RMDN2: variants seen among roughly 807,000 people sequenced by gnomAD.
The protein encoded by RMDN2 is regulator of microtubule dynamics 2.
Under a neutral mutation model 52.8 loss-of-function variants are expected in RMDN2, and 61 were observed. The observed-to-expected ratio is 1.16, with a 90% CI of 0.94 to 1.43. The LOEUF is 1.43. Ranked by LOEUF, RMDN2 falls within the 40% of genes most tolerant of loss-of-function variation. RMDN2 has a pLI of 0.00. For synonymous variants in RMDN2, 180 were observed against 153.1 expected, an observed-to-expected ratio of 1.18 and a Z score of -1.30; for missense variants, 592 against 475.3, an observed-to-expected ratio of 1.25 and a Z score of -2.28.
At chr2:38,049,349 C>A (rs547496446) in intron 10 of RMDN2, among the ~76,000 whole-genome samples, 5 of 152,242 alleles carry the variant, frequency 3.3e-5, no homozygotes, top group African/African-American at 1.2e-4. Flanking sequence ...CTGGACCATC[C>A]CAGGTCAAAT....
rs754914158 is a variant in RMDN2, at chr2:38,017,543, T to C, written c.*304T>C. On this transcript the variant is annotated 3_prime_UTR_variant, in exon 11 of 11. Transcript: ENST00000354545. ...AATAAAATATTTAAATCCAATAAAATGAATTCTCATGAATATTTTATTGTT... is the reference window on the plus strand; with the variant it reads ...AATAAAATATTTAAATCCAATAAAACGAATTCTCATGAATATTTTATTGTT... The C allele has an allele frequency of 1.8e-6, 2 of 1,126,520 alleles. No homozygotes were observed. 69.8% of individuals were successfully genotyped at this position (1,126,520 alleles called of 1,614,324 possible). A position where few individuals can be genotyped will look rare whatever the true frequency, so the allele number is the denominator to read the frequency against.
chr2:37,961,334 G>A (rs369224627), intron 2 of RMDN2, among the ~76,000 whole-genome samples: 1 of 151,984 alleles, frequency 6.6e-6, no homozygotes, highest in African/African-American at 2.4e-5. Context: ...CCAATCAAAC[G>A]TAGGTTTGGT....
intron 2 of RMDN2, among the ~76,000 whole-genome samples, chr2:37,940,771 A>G (rs1178126941): frequency 1.3e-5 from 2 of 152,112 alleles, no homozygotes; most frequent in Admixed American, 6.5e-5. Context: ...TAAACTTGTT[A>G]TTCTCATTAG....
intron 4 of RMDN2, among the ~76,000 whole-genome samples, chr2:37,977,369 G>T (rs1166240864): frequency 1.3e-5 from 2 of 152,206 alleles, no homozygotes; most frequent in African/African-American, 2.4e-5. Context: ...CCTCCCAGAC[G>T]GGGTGGTGGC....
Position 38,011,007 on chromosome 2 carries a change from G to A in RMDN2, c.1180-6179G>A, listed in dbSNP as rs975072873. Among the ~76,000 whole-genome samples, 4 of 152,186 alleles carry A rather than the reference G, an allele frequency of 2.6e-5. No individual in the cohort carries two copies. The South Asian group carries it at 8.3e-4, about 32-fold the overall frequency. ...ATCCTTGTTAGATGTAAGACAGCAGGGAGTGAAGCAAGCATAATTCCTTCA... is the reference window on the plus strand; with the variant it reads ...ATCCTTGTTAGATGTAAGACAGCAGAGAGTGAAGCAAGCATAATTCCTTCA... On this transcript the variant is annotated intron_variant, in intron 10 of 10. Coordinates refer to ENST00000354545, the MANE Select transcript of RMDN2 (RefSeq NM_001170791.3).
At position 38,017,485 on chromosome 2, in the gene RMDN2, TC is replaced by T; in HGVS notation, c.*247del. 9.2e-7 allele frequency: 1 copy of T among 1,092,366 alleles called. No homozygotes were observed. Among genetic ancestry groups the T allele is most frequent in the Non-Finnish European group, 1.2e-6 (1 of 821,108 alleles). 67.7% of individuals were successfully genotyped at this position (1,092,366 alleles called of 1,614,324 possible). On this transcript the variant is annotated 3_prime_UTR_variant, in exon 11 of 11. Coordinates refer to ENST00000354545, the MANE Select transcript of RMDN2 (RefSeq NM_001170791.3). ...ACATGTATGCTTTATATTTTTCTTA[TC>T]AATAAACTGCAGCCTTAAGAATATT...
At chr2:37,962,495 G>A (rs1198487276) in intron 2 of RMDN2, among the ~76,000 whole-genome samples, 1 of 152,150 alleles carries the variant, frequency 6.6e-6, no homozygotes, top group African/African-American at 2.4e-5. Flanking sequence ...ACACTGTGTG[G>A]GGAAAACCGC....
At chr2:37,950,246 A>C (rs1215320399) in intron 2 of RMDN2, 1 of 440,570 alleles carries the variant, frequency 2.3e-6, no homozygotes, top group African/African-American at 2.0e-5. Flanking sequence ...AAAGGATTGT[A>C]CAGCTGTCAT....
intron 10 of RMDN2, among the ~76,000 whole-genome samples, chr2:38,010,994 T>G (rs1455955858): frequency 6.6e-6 from 1 of 152,214 alleles, no homozygotes; most frequent in African/African-American, 2.4e-5. Flanking sequence ...CCTTGTTAGA[T>G]GTAAGACAGC....
At position 38,039,885 on chromosome 2, in the gene RMDN2, G is replaced by C. The variant is rs1251303390; in HGVS notation, c.1714-27097G>C. On this transcript the variant is annotated intron_variant, in intron 10 of 10. Coordinates refer to the RMDN2 transcript ENST00000234195. Reference sequence around the variant, plus strand: ...GGACAGTGTCTGACAAATGCACACTGTGTGCCCTACCTGCCCCTTCCTACT... The same window carrying C: ...GGACAGTGTCTGACAAATGCACACTCTGTGCCCTACCTGCCCCTTCCTACT... Among the ~76,000 whole-genome samples, 2 of 152,174 alleles carry C rather than the reference G, an allele frequency of 1.3e-5. 1 individual carries two copies. Among genetic ancestry groups the C allele is most frequent in the Admixed American group, 1.3e-4 (2 of 15,288 alleles).
intron 10 of RMDN2, among the ~76,000 whole-genome samples, chr2:38,010,764 C>T (rs1677866973): frequency 6.6e-6 from 1 of 152,168 alleles, no homozygotes; most frequent in Non-Finnish European, 1.5e-5. Flanking sequence ...CCCGGTACCT[C>T]AGGTGGAAAT....
intron 7 of RMDN2, among the ~76,000 whole-genome samples, chr2:37,994,068 A>C (rs1224686748): frequency 6.6e-6 from 1 of 152,186 alleles, no homozygotes; most frequent in Non-Finnish European, 1.5e-5. Context: ...AGGCTTTGTC[A>C]AACTTTCACA....
intron 2 of RMDN2, among the ~76,000 whole-genome samples, chr2:37,962,789 G>A (rs968030706): frequency 1.6e-4 from 24 of 152,014 alleles, no homozygotes; most frequent in African/African-American, 5.1e-4. Flanking sequence ...CTGCTCAAAC[G>A]GCTGCCCAGT....
At chr2:38,003,545 C>CAGA (rs1305735889) in intron 8 of RMDN2, among the ~76,000 whole-genome samples, 12 of 84,772 alleles carry the variant, frequency 1.4e-4, no homozygotes, top group Admixed American at 1.4e-4. Context: ...AAAGCAAGAC[C>CAGA]TGATAGATAG....
chr2:37,991,826 C>T (rs141764645), intron 7 of RMDN2, among the ~76,000 whole-genome samples: 54 of 152,150 alleles, frequency 3.5e-4, no homozygotes, highest in African/African-American at 1.2e-3. Context: ...AAGGGATACG[C>T]GACATATATA....
intron 1 of RMDN2, among the ~76,000 whole-genome samples, chr2:37,926,308 A>G (rs1020639722): frequency 6.6e-6 from 1 of 152,262 alleles, no homozygotes; most frequent in East Asian, 1.9e-4. Flanking sequence ...TTTAAATAAA[A>G]CTAGAACATG....
At chr2:37,950,518 TA>T in intron 2 of RMDN2, 1 of 1,612,960 alleles carries the variant, frequency 6.2e-7, no homozygotes, top group Non-Finnish European at 8.5e-7. Flanking sequence ...CAGGGCATTT[TA>T]TGGCTTAAGG....
At chr2:38,021,029 C>G (rs890988252), downstream of RMDN2, among the ~76,000 whole-genome samples, 4 of 152,166 alleles carry the variant, frequency 2.6e-5, no homozygotes, top group Non-Finnish European at 5.9e-5. Context: ...GTAAATACAC[C>G]AATCAGCACT....
Position 37,997,530 on chromosome 2 carries a change from C to G in RMDN2, c.1044+16C>G, listed in dbSNP as rs746416664. ...TTTCCTTAAGGTACATTTTGTGTAT[C>G]CATTATTTTAGTGTCAGACTGATTA... is the stretch of plus-strand genomic sequence containing the variant. On this transcript the variant is annotated intron_variant, in intron 8 of 10. Transcript: ENST00000354545. The G allele has an allele frequency of 6.6e-7, 1 of 1,519,908 alleles. No homozygotes were observed. The highest frequency in any genetic ancestry group is 2.2e-5 in the East Asian group (1 of 44,448). The allele number at this position is 1,519,908 out of a possible 1,614,324, so 94.2% of individuals were successfully genotyped here.
Sources: allele counts gnomAD v4.1 joint callset (sites outside exome capture counted in the v4.1 genomes callset), GRCh38; gene constraint gnomAD v4.1.1; transcripts MANE v1.5; gene names NCBI Gene and HGNC (gene_info 2026-07-23, HGNC 2026-07-21).